WDR37: variants seen among roughly 807,000 people sequenced by gnomAD.
WDR37 encodes the protein WD repeat-containing protein 37.
In WDR37, 19 loss-of-function variants were observed where a neutral mutation model predicts 62.9. The ratio of observed to expected loss-of-function variants is 0.30; its 90% CI spans 0.21 to 0.44. WDR37 has a LOEUF of 0.44. Among genes scored for constraint, WDR37 ranks in the 20% least tolerant of loss-of-function variants. The probability of loss-of-function intolerance (pLI) is 1.00; values close to 1 mark genes in which losing one functional copy is unlikely to be tolerated. For missense variants in WDR37, 474 were observed against 657.6 expected (o/e 0.72, Z 3.05); for synonymous variants, 250 against 260.9 (o/e 0.96, Z 0.40).
Position 1,124,940 on chromosome 10 carries a change from A to G in WDR37, c.1269A>G (p.Ile423Met). The G allele has an allele frequency of 6.2e-7, 1 of 1,614,208 alleles. No individual in the cohort carries two copies. The highest frequency in any genetic ancestry group is 8.5e-7 in the Non-Finnish European group (1 of 1,180,024). The change falls in exon 13 of 14, where the codon ATA (isoleucine) becomes ATG (methionine). Residue 423 changes from isoleucine (I) to methionine (M), a missense_variant. Ile to Met is a conservative substitution (Grantham distance 10). Coordinates refer to ENST00000263150, the MANE Select transcript of WDR37 (RefSeq NM_014023.4). ...RINVCVGQKI[I>M]ALPHDNRQVR... ...ATGTATGTGTCGGCCAAAAAATCAT[A>G]GCCCTCCCCCATGACAACCGACAAG...
chr10:1,106,021 G>A (rs1371403485), intron 11 of WDR37, among the ~76,000 whole-genome samples: 5 of 152,062 alleles, frequency 3.3e-5, no homozygotes, highest in African/African-American at 9.7e-5. Context: ...TCCTGACGTC[G>A]TGATCCGCCT....
At chr10:1,098,664 G>C (rs1287216015) in intron 9 of WDR37, among the ~76,000 whole-genome samples, 1 of 152,198 alleles carries the variant, frequency 6.6e-6, no homozygotes, top group Non-Finnish European at 1.5e-5. Context: ...CTGTGGGCAC[G>C]CGGCAGGATG....
chr10:1,060,211 G>A (rs984131374), intron 1 of WDR37, among the ~76,000 whole-genome samples: 8 of 152,202 alleles, frequency 5.3e-5, no homozygotes, highest in African/African-American at 1.9e-4. Context: ...TCATTAATTA[G>A]TCGAATGTTT....
rs535424495 is a variant in WDR37, at chr10:1,096,280, A to G, written c.726+34A>G. 20 of 1,600,208 alleles carry G rather than the reference A, an allele frequency of 1.2e-5. No homozygotes were observed. In the East Asian group the frequency reaches 4.5e-4, roughly 36 times the overall value. On this transcript the variant is annotated intron_variant, in intron 9 of 13. Transcript: ENST00000263150. ...CTTTCCTTACCTGTGAATGTGTAGG[A>G]TGCTGATGTCTGCGAATCTGAGAAT...
At chr10:1,058,715 T>C (rs1833278393) in intron 1 of WDR37, among the ~76,000 whole-genome samples, 1 of 152,242 alleles carries the variant, frequency 6.6e-6, no homozygotes, top group Non-Finnish European at 1.5e-5. Flanking sequence ...TGATGACAGA[T>C]TTCTGAGGTT....
chr10:1,057,618 C>T (rs1833233626), intron 1 of WDR37, among the ~76,000 whole-genome samples: 2 of 152,208 alleles, frequency 1.3e-5, no homozygotes, highest in Admixed American at 6.5e-5. Flanking sequence ...CATTTTAAGA[C>T]AGCTGTTCAC....
At chr10:1,125,217 C>T (rs1231290311) in intron 13 of WDR37, 193 bp downstream of exon 13, 28 of 611,862 alleles carry the variant, frequency 4.6e-5, no homozygotes, top group African/African-American at 6.0e-5. Flanking sequence ...ACACCTACTT[C>T]AGTGTTTTTT....
At chr10:1,124,197 C>A in intron 11 of WDR37, 21 bp from the exon 12 acceptor site, 1 of 1,614,054 alleles carries the variant, frequency 6.2e-7, no homozygotes. Context: ...TTGCATCTGA[C>A]TCTGTGCCCT....
At chr10:1,071,709 C>T (rs970634829) in intron 1 of WDR37, among the ~76,000 whole-genome samples, 1 of 152,048 alleles carries the variant, frequency 6.6e-6, no homozygotes, top group Non-Finnish European at 1.5e-5. Flanking sequence ...AAAATGTGGA[C>T]ACTGGAAAAT....
At chr10:1,067,857 G>GCACA (rs142959146) in intron 1 of WDR37, among the ~76,000 whole-genome samples, 5 of 151,246 alleles carry the variant, frequency 3.3e-5, no homozygotes, top group Non-Finnish European at 7.4e-5. Context: ...AATGTGGTGC[G>GCACA]CACACACACA....
rs200599689 is a variant in WDR37, at chr10:1,069,391, T to TATATATATA, written c.-40-2725_-40-2724insATATATATA. On this transcript the variant is annotated intron_variant, in intron 1 of 13. Coordinates refer to ENST00000263150, the MANE Select transcript of WDR37 (RefSeq NM_014023.4). ...AAAGAATATATATATATATATATATTTTTTTTTTTTTTTTTTGCAGCAGGT... is the reference window on the plus strand; with the variant it reads ...AAAGAATATATATATATATATATATTATATATATATTTTTTTTTTTTTTTTGCAGCAGGT... 2.4e-3 allele frequency among the ~76,000 whole-genome samples: 112 copies of TATATATATA among 45,912 alleles called. 1 individual carries two copies. Among genetic ancestry groups the TATATATATA allele is most frequent in the South Asian group, 8.9e-3 (9 of 1,010 alleles). The allele number at this position is 45,912 out of a possible 152,430, so 30.1% of individuals were successfully genotyped here.
At chr10:1,069,389 A>ATTTTTTTTTTTTTTTTTTTT (rs377212232) in intron 1 of WDR37, among the ~76,000 whole-genome samples, 29 of 95,780 alleles carry the variant, frequency 3.0e-4, no homozygotes, top group Non-Finnish European at 4.2e-4. Flanking sequence ...ATATATATAT[A>ATTTTTTTTTTTTTTTTTTTT]TTTTTTTTTT....
intron 11 of WDR37, among the ~76,000 whole-genome samples, chr10:1,119,811 T>G (rs1835518582): frequency 6.6e-6 from 1 of 152,214 alleles, no homozygotes; most frequent in Non-Finnish European, 1.5e-5. Context: ...ATTTGTTGCA[T>G]GAACAGTTCT....
At chr10:1,101,129 G>A (rs568320200) in intron 9 of WDR37, among the ~76,000 whole-genome samples, 1 of 152,272 alleles carries the variant, frequency 6.6e-6, no homozygotes, top group African/African-American at 2.4e-5. Context: ...TTCCCACCCT[G>A]CTCCAGGCCG....
chr10:1,113,707 T>A (rs953458919), intron 11 of WDR37, among the ~76,000 whole-genome samples: 3 of 152,206 alleles, frequency 2.0e-5, no homozygotes, highest in Non-Finnish European at 4.4e-5. Context: ...TAGAAGTGGA[T>A]CCTGAAGATG....
chr10:1,102,112 C>T (rs59274891), intron 9 of WDR37, among the ~76,000 whole-genome samples: 1 of 144,856 alleles, frequency 6.9e-6, no homozygotes, highest in African/African-American at 2.6e-5. Context: ...ACGTGTGTTC[C>T]CGTGCTGCTG....
chr10:1,093,788 G>A (rs1476628586), intron 8 of WDR37, among the ~76,000 whole-genome samples: 6 of 152,192 alleles, frequency 3.9e-5, no homozygotes, highest in African/African-American at 9.7e-5. Flanking sequence ...CGCAGTTCCT[G>A]TAGACGGAGC....
chr10:1,078,346 A>C (rs1245038589), intron 3 of WDR37, among the ~76,000 whole-genome samples: 1 of 152,230 alleles, frequency 6.6e-6, no homozygotes, highest in Non-Finnish European at 1.5e-5. Flanking sequence ...ACTATATCTG[A>C]CTTATTAAAG....
intron 11 of WDR37, among the ~76,000 whole-genome samples, chr10:1,122,399 G>A (rs1474566465): frequency 1.3e-5 from 2 of 152,148 alleles, no homozygotes. Context: ...AGACAGTGTA[G>A]GGGTCAAGCC....
Sources: gnomAD v4.1 joint callset for allele counts (sites outside exome capture counted in the v4.1 genomes callset) on GRCh38, gnomAD v4.1.1 for gene constraint, MANE v1.5 for transcripts, NCBI Gene and HGNC (gene_info 2026-07-23, HGNC 2026-07-21) for gene names.